The following KDM6A variants were observed in gnomAD, a reference collection of about 807,000 sequenced individuals.
The protein encoded by KDM6A is lysine demethylase 6A.
In KDM6A, 11 loss-of-function variants were observed where a neutral mutation model predicts 117.6. The ratio of observed to expected loss-of-function variants is 0.09; its 90% CI spans 0.06 to 0.15. The LOEUF (loss-of-function observed/expected upper bound fraction) is 0.15. Ranked by LOEUF, KDM6A falls within the 10% of genes least tolerant of loss-of-function variation. KDM6A has a pLI of 1.00. For missense variants in KDM6A, 799 were observed against 1,077.3 expected (o/e 0.74, Z 3.62); for synonymous variants, 384 against 396.1 (o/e 0.97, Z 0.36).
At chrX:45,047,090 T>C (rs1334212811) in intron 8 of KDM6A, among the ~76,000 whole-genome samples, 1 of 111,382 alleles carries the variant, frequency 9.0e-6, no homozygotes, top group Non-Finnish European at 1.9e-5. Context: ...GTTGTATTCT[T>C]TGTATTGTAT....
At chrX:44,991,395 C>T (rs1317547501) in intron 4 of KDM6A, among the ~76,000 whole-genome samples, 1 of 108,955 alleles carries the variant, frequency 9.2e-6, no homozygotes, top group African/African-American at 3.3e-5. Context: ...ATGCCTCCTA[C>T]AGTCTTTTTG....
At chrX:44,880,620 A>G (rs778552610) in intron 2 of KDM6A, among the ~76,000 whole-genome samples, 67 of 108,511 alleles carry the variant, frequency 6.2e-4, no homozygotes, top group Admixed American at 1.5e-3. Flanking sequence ...GCAAAACCTC[A>G]TCTCCACTAA....
At chrX:44,887,363 G>C (rs186330991) in intron 2 of KDM6A, among the ~76,000 whole-genome samples, 1 of 111,473 alleles carries the variant, frequency 9.0e-6, no homozygotes, top group Admixed American at 9.6e-5. Context: ...AGAGTATAGG[G>C]AATCTTCCTT....
At chrX:44,964,515 A>G (rs1020492928) in intron 3 of KDM6A, among the ~76,000 whole-genome samples, 3 of 110,091 alleles carry the variant, frequency 2.7e-5, no homozygotes, top group Non-Finnish European at 3.8e-5. Flanking sequence ...TGCAGAATGG[A>G]TGTTGTGTTA....
intron 27 of KDM6A, among the ~76,000 whole-genome samples, chrX:45,095,188 T>C (rs2046053202): frequency 9.0e-6 from 1 of 111,212 alleles, no homozygotes; most frequent in African/African-American, 3.3e-5. Flanking sequence ...CCAGACTGTA[T>C]TATTTCTCAC....
Position 45,090,956 on chromosome X carries a change from A to G in KDM6A, c.4034+92A>G, listed in dbSNP as rs780052418. On this transcript the variant is annotated intron_variant, in intron 27 of 29. Transcript: ENST00000611820. ...TCTCCCTTAGAATTACGTTGACATC[A>G]AAGCAAAATGGTGCAAAAGTCTAGC... 5.4e-6 allele frequency: 5 copies of G among 923,055 alleles called. No homozygotes were observed. The Admixed American group carries it at 1.2e-4, about 21-fold the overall frequency. 76.1% of individuals were successfully genotyped at this position (923,055 alleles called of 1,213,427 possible).
intron 3 of KDM6A, among the ~76,000 whole-genome samples, chrX:44,968,302 G>C (rs2039136838): frequency 8.9e-6 from 1 of 112,695 alleles, no homozygotes; most frequent in Non-Finnish European, 1.9e-5. Flanking sequence ...CACAGATAGA[G>C]GCTTTCAGCA....
At chrX:44,881,214 C>T (rs911441908) in intron 2 of KDM6A, among the ~76,000 whole-genome samples, 2 of 112,560 alleles carry the variant, frequency 1.8e-5, no homozygotes, top group Admixed American at 9.4e-5. Flanking sequence ...GCGGGCATCA[C>T]GAGGTCAGGA....
chrX:45,026,110 T>A (rs1169082951), intron 6 of KDM6A, among the ~76,000 whole-genome samples: 1 of 111,896 alleles, frequency 8.9e-6, no homozygotes, highest in East Asian at 2.8e-4. Flanking sequence ...GGCTGGAAAA[T>A]TTGAAGAAAA....
intron 2 of KDM6A, among the ~76,000 whole-genome samples, chrX:44,955,810 TTA>T (rs1449806160): frequency 2.7e-5 from 3 of 111,651 alleles, no homozygotes; most frequent in Non-Finnish European, 5.6e-5. Flanking sequence ...ATTTTTAATT[TTA>T]TCTTATTTTT....
At chrX:44,963,177 T>C (rs1172233648) in intron 3 of KDM6A, among the ~76,000 whole-genome samples, 1 of 111,257 alleles carries the variant, frequency 9.0e-6, no homozygotes, top group Non-Finnish European at 1.9e-5. Context: ...AGAAACTCCT[T>C]TTGGCCAGGC....
intron 4 of KDM6A, among the ~76,000 whole-genome samples, chrX:45,003,809 C>G (rs2041282369): frequency 9.4e-6 from 1 of 106,027 alleles, no homozygotes; most frequent in African/African-American, 3.5e-5. Flanking sequence ...GTCTCTCTGT[C>G]TCTTCCTCTC....
chrX:44,904,634 TTTGCAAGAGG>T (rs2034539263), intron 2 of KDM6A, among the ~76,000 whole-genome samples: 1 of 112,003 alleles, frequency 8.9e-6, no homozygotes, highest in Admixed American at 9.5e-5. Flanking sequence ...AATACCTAGC[TTTGCAAGAGG>T]GATCTTCCAG....
intron 2 of KDM6A, among the ~76,000 whole-genome samples, chrX:44,911,525 C>T (rs1264286526): frequency 2.7e-5 from 3 of 109,354 alleles, no homozygotes; most frequent in Non-Finnish European, 5.7e-5. Flanking sequence ...CGGGAAGAGG[C>T]GCTCCTGACT....
chrX:45,062,634 G>T lies in KDM6A; in HGVS notation c.1582-13G>T, dbSNP rs755927902. The T allele has an allele frequency of 9.7e-6, 11 of 1,135,719 alleles. No individual in the cohort carries two copies. The African/African-American group carries it at 1.3e-4, about 13-fold the overall frequency. 93.6% of individuals were successfully genotyped at this position (1,135,719 alleles called of 1,213,427 possible). On this transcript the variant is annotated splice_polypyrimidine_tract_variant and intron_variant, in intron 15 of 29. Coordinates refer to ENST00000611820, the MANE Select transcript of KDM6A (RefSeq NM_001291415.2). Reference sequence around the variant, plus strand: ...ATATCTTTGACTATATTCTCTTTTTGTTCTTCTTCTAGCATTTGGAACAGC... The same window carrying T: ...ATATCTTTGACTATATTCTCTTTTTTTTCTTCTTCTAGCATTTGGAACAGC...
intron 27 of KDM6A, among the ~76,000 whole-genome samples, chrX:45,096,185 A>C (rs1021119106): frequency 2.7e-5 from 3 of 111,834 alleles, no homozygotes; most frequent in African/African-American, 9.8e-5. Flanking sequence ...TCTCCCCTGA[A>C]TTGTTATTTT....
At chrX:44,993,943 G>C (rs1268808602) in intron 4 of KDM6A, among the ~76,000 whole-genome samples, 1 of 111,786 alleles carries the variant, frequency 8.9e-6, no homozygotes, top group African/African-American at 3.3e-5. Context: ...TCATCTTTCT[G>C]CATCTGGGGA....
chrX:44,910,058 C>T (rs1056437891), intron 2 of KDM6A, among the ~76,000 whole-genome samples: 10 of 111,897 alleles, frequency 8.9e-5, no homozygotes, highest in African/African-American at 1.6e-4. Flanking sequence ...TTTAAGAAGA[C>T]GAGGAAATCT....
chrX:44,956,016 A>T (rs1390483233), intron 2 of KDM6A, among the ~76,000 whole-genome samples: 3 of 111,614 alleles, frequency 2.7e-5, no homozygotes. Flanking sequence ...TGGTGTGTTT[A>T]ATTTTTCCTA....
Sources: allele counts gnomAD v4.1 joint callset (sites outside exome capture counted in the v4.1 genomes callset), GRCh38; gene constraint gnomAD v4.1.1; transcripts MANE v1.5; gene names NCBI Gene and HGNC (gene_info 2026-07-23, HGNC 2026-07-21).